CCDC40: variants seen among roughly 807,000 people sequenced by gnomAD.
CCDC40 encodes the protein coiled-coil domain-containing protein 40.
A neutral mutation model predicts 124.5 loss-of-function variants in CCDC40; 104 were observed. The observed-to-expected ratio is 0.84, with a 90% CI of 0.71 to 0.98. The LOEUF is 0.98. Among genes scored for constraint, CCDC40 ranks in the 50% least tolerant of loss-of-function variants. The pLI, the probability that CCDC40 is intolerant of heterozygous loss-of-function variation, is 0.00. For synonymous variants in CCDC40, 580 were observed against 602.9 expected, an observed-to-expected ratio of 0.96 and a Z score of 0.56; for missense variants, 1,463 against 1,503.9, an observed-to-expected ratio of 0.97 and a Z score of 0.45.
intron 12 of CCDC40, among the ~76,000 whole-genome samples, chr17:80,082,432 A>C (rs2038475474): frequency 6.6e-6 from 1 of 150,628 alleles, no homozygotes; most frequent in Non-Finnish European, 1.5e-5. Flanking sequence ...CCTTAGAAAA[A>C]ACAATTCCTT....
chr17:80,037,688 A>AAAAAAAAAAAAATAT, intron 1 of CCDC40, among the ~76,000 whole-genome samples: 1 of 45,678 alleles, frequency 2.2e-5, no homozygotes, highest in African/African-American at 5.9e-5. Flanking sequence ...TTTTTTAAAA[A>AAAAAAAAAAAAATAT]AGATATACAT....
chr17:80,087,565 C>T lies in CCDC40; in HGVS notation c.2450-42C>T, dbSNP rs781302517. On this transcript the variant is annotated intron_variant, in intron 14 of 19. Coordinates refer to ENST00000397545, the MANE Select transcript of CCDC40 (RefSeq NM_017950.4). This position sits in a 1 kb window ranked among gnomAD's most constrained non-coding sequence, Gnocchi z 4.5. ...TGCTGCCTGCGGGCGAGGACCCGTACCCTCCTGGGGTCTCTCCCTGAGTCT... is the reference window on the plus strand; with the variant it reads ...TGCTGCCTGCGGGCGAGGACCCGTATCCTCCTGGGGTCTCTCCCTGAGTCT... 3.8e-6 allele frequency: 6 copies of T among 1,585,530 alleles called. No homozygotes were observed. The Admixed American group carries it at 8.4e-5, about 22-fold the overall frequency.
Position 80,067,955 on chromosome 17 carries a change from G to A in CCDC40, c.1562+2349G>A, listed in dbSNP as rs560056556. On this transcript the variant is annotated intron_variant, in intron 10 of 19. Transcript: ENST00000397545. The stretch of plus-strand genomic sequence containing the variant: ...TGTACACGCACAAACACTTCACAAC[G>A]AGTGAGAGAGCCTCTGACTTCACCT... 4 of 1,130,170 alleles carry A rather than the reference G, an allele frequency of 3.5e-6. No individual in the cohort carries two copies. The South Asian group carries it at 9.8e-5, about 28-fold the overall frequency. 70.0% of individuals were successfully genotyped at this position (1,130,170 alleles called of 1,614,324 possible). A position where few individuals can be genotyped will look rare whatever the true frequency, so the allele number is the denominator to read the frequency against.
chr17:80,065,343 C>T, intron 9 of CCDC40, 142 bp from the exon 10 acceptor site: 2 of 1,155,436 alleles, frequency 1.7e-6, no homozygotes, highest in South Asian at 2.5e-5. Flanking sequence ...GTGTTTACCC[C>T]TCTGCAGATG....
chr17:80,084,825 A>T lies in CCDC40; in HGVS notation c.2072A>T (p.His691Leu). The change falls in exon 13 of 20, where the codon CAC (histidine) becomes CTC (leucine). Residue 691 changes from histidine (H) to leucine (L), a missense_variant. Coordinates refer to ENST00000397545, the MANE Select transcript of CCDC40 (RefSeq NM_017950.4). ...CACACCAGCAGCAGGCTGGACGCAC[A>T]CCAGAAGACCCTGGTGGAGCTGGAC... ...ITHTSSRLDA[H>L]QKTLVELDQD... 1 of 1,614,172 alleles carries T rather than the reference A, an allele frequency of 6.2e-7. No individual in the cohort carries two copies. The highest frequency in any genetic ancestry group is 8.5e-7 in the Non-Finnish European group (1 of 1,180,042).
intron 7 of CCDC40, among the ~76,000 whole-genome samples, chr17:80,056,156 T>C (rs1004334668): frequency 2.7e-5 from 4 of 150,664 alleles, no homozygotes; most frequent in Non-Finnish European, 5.9e-5. Flanking sequence ...TCAGCCCTTG[T>C]GGAGTCTTTT....
At chr17:80,095,476 G>A in intron 18 of CCDC40, 25 bp downstream of exon 18, 3 of 1,520,610 alleles carry the variant, frequency 2.0e-6, no homozygotes, top group Non-Finnish European at 2.7e-6. Flanking sequence ...AAAGGAAACA[G>A]GGCGCCTGCT....
intron 9 of CCDC40, among the ~76,000 whole-genome samples, chr17:80,062,779 C>T (rs73439027): frequency 0.077 from 11,759 of 152,046 alleles, 1,462 homozygotes; most frequent in African/African-American, 0.26. Flanking sequence ...TTTGTAGAGA[C>T]GGTGTTTCTT....
At chr17:80,050,527 T>C (rs1598489001) in intron 7 of CCDC40, among the ~76,000 whole-genome samples, 1 of 152,058 alleles carries the variant, frequency 6.6e-6, no homozygotes, top group Non-Finnish European at 1.5e-5. Flanking sequence ...CACTGCAACC[T>C]CCCCCTTCCG....
At position 80,058,783 on chromosome 17, in the gene CCDC40, A is replaced by G; in HGVS notation, c.1318-75A>G. 6.2e-7 allele frequency: 1 copy of G among 1,611,844 alleles called. No homozygotes were observed. Among genetic ancestry groups the G allele is most frequent in the Non-Finnish European group, 8.5e-7 (1 of 1,178,372 alleles). The stretch of plus-strand genomic sequence containing the variant: ...GCCGGCCTGGGTGGCGTCAACTTGT[A>G]TCAAGGGTTGGTGGAGAACAGGCCC... On this transcript the variant is annotated intron_variant, in intron 8 of 19. Coordinates refer to ENST00000397545, the MANE Select transcript of CCDC40 (RefSeq NM_017950.4). This position sits in a 1 kb window ranked among gnomAD's most constrained non-coding sequence, Gnocchi z 4.2.
chr17:80,089,853 G>C lies in CCDC40; in HGVS notation c.2801G>C (p.Arg934Pro), dbSNP rs143374313. ...VDSEIGQTEI[R>P]AMKGEIHRMK... ...TCCGAGATCGGCCAGACGGAGATCCGGGCCATGAAGGGCGAGATCCACAGG... is the reference window on the plus strand; with the variant it reads ...TCCGAGATCGGCCAGACGGAGATCCCGGCCATGAAGGGCGAGATCCACAGG... The change falls in exon 17 of 20, where the codon CGG becomes CCG. Residue 934 changes from arginine (R) to proline (P), a missense_variant. Physicochemically the swap from Arg to Pro is moderately radical, Grantham distance 103 (BLOSUM62 -2). Transcript: ENST00000397545. The C allele has an allele frequency of 1.9e-6, 3 of 1,614,120 alleles. No homozygotes were observed. Among genetic ancestry groups the C allele is most frequent in the African/African-American group, 2.7e-5 (2 of 74,944 alleles).
At position 80,065,590 on chromosome 17, in the gene CCDC40, G is replaced by T; in HGVS notation, c.1546G>T (p.Val516Leu). Residue 516 changes from valine to leucine, a missense_variant, in exon 10 of 20, where the codon GTG becomes TTG. Transcript: ENST00000397545. ...MKHRDEAHRA[V>L]LEALRGCQHQ... is the part of the protein sequence containing the mutation. Reference sequence around the variant, plus strand: ...GCACCGCGACGAGGCGCACAGGGCGGTGCTGGAGGCGCTCAGGTACTGCAG... The same window carrying T: ...GCACCGCGACGAGGCGCACAGGGCGTTGCTGGAGGCGCTCAGGTACTGCAG... The T allele has an allele frequency of 6.2e-7, 1 of 1,612,668 alleles. No individual in the cohort carries two copies. The highest frequency in any genetic ancestry group is 8.5e-7 in the Non-Finnish European group (1 of 1,179,916).
chr17:80,055,572 A>G (rs2037714803), intron 7 of CCDC40, among the ~76,000 whole-genome samples: 1 of 152,234 alleles, frequency 6.6e-6, no homozygotes, highest in African/African-American at 2.4e-5. Flanking sequence ...GGGAAGACGC[A>G]TGATATAAAA....
At chr17:80,090,009 T>C (rs1443760636) in intron 17 of CCDC40, 125 bp downstream of exon 17, 69 of 1,537,818 alleles carry the variant, frequency 4.5e-5, no homozygotes, top group Admixed American at 2.2e-4. Flanking sequence ...CCACATTGGC[T>C]GGTGGCAATG....
At position 80,100,208 on chromosome 17, in the gene CCDC40, G is replaced by C; in HGVS notation, c.*433G>C. 7.5e-6 allele frequency: 2 copies of C among 267,212 alleles called. No homozygotes were observed. Among genetic ancestry groups the C allele is most frequent in the Non-Finnish European group, 1.5e-5 (2 of 135,132 alleles). 16.6% of individuals were successfully genotyped at this position (267,212 alleles called of 1,614,324 possible). A position where few individuals can be genotyped will look rare whatever the true frequency, so the allele number is the denominator to read the frequency against. On this transcript the variant is annotated 3_prime_UTR_variant, in exon 20 of 20. Coordinates refer to ENST00000397545, the MANE Select transcript of CCDC40 (RefSeq NM_017950.4). ...CTGGCCCGGGAGGCTGGTCCCCCCA[G>C]CACTTCCCTCTACTAGGTGCATCTG...
Position 80,058,826 on chromosome 17 carries a change from C to T in CCDC40, c.1318-32C>T, listed in dbSNP as rs758208168. The T allele has an allele frequency of 6.2e-7, 1 of 1,614,002 alleles. No individual in the cohort carries two copies. The highest frequency in any genetic ancestry group is 1.7e-5 in the Admixed American group (1 of 60,020). On this transcript the variant is annotated intron_variant, in intron 8 of 19. Coordinates refer to ENST00000397545, the MANE Select transcript of CCDC40 (RefSeq NM_017950.4). This position sits in a 1 kb window ranked among gnomAD's most constrained non-coding sequence, Gnocchi z 4.2. ...ACAGGCCCTCAGCCACGGGCACCTC[C>T]TGACGGGGCTGCTTCTCATCCTGTT...
intron 6 of CCDC40, 27 bp downstream of exon 6, chr17:80,050,016 TG>T (rs758167397): frequency 2.5e-6 from 4 of 1,613,432 alleles, no homozygotes; most frequent in Non-Finnish European, 3.4e-6. Context: ...TCTCCCACCC[TG>T]GTCGGATGCC....
rs375999350 is a variant in CCDC40, at chr17:80,058,667, G to T, written c.1317+16G>T. ...GAAAAAGCAGGTATTCTGCAAACTC[G>T]ACACATGTTTAATGATCACCAGACC... On this transcript the variant is annotated intron_variant, in intron 8 of 19. Coordinates refer to ENST00000397545, the MANE Select transcript of CCDC40 (RefSeq NM_017950.4). The surrounding 1 kb of genome is among the most constrained non-coding windows in gnomAD (Gnocchi z 4.2). 6.2e-7 allele frequency: 1 copy of T among 1,613,894 alleles called. No individual in the cohort carries two copies. Among genetic ancestry groups the T allele is most frequent in the South Asian group, 1.1e-5 (1 of 91,032 alleles).
At position 80,100,592 on chromosome 17, in the gene CCDC40, C is replaced by A. The variant is rs908595597; in HGVS notation, c.*817C>A. 2.0e-5 allele frequency: 3 copies of A among 151,624 alleles called. No individual in the cohort carries two copies. Among genetic ancestry groups the A allele is most frequent in the African/African-American group, 7.3e-5 (3 of 41,226 alleles). 9.4% of individuals were successfully genotyped at this position (151,624 alleles called of 1,614,324 possible). ...AAACATTTCAGCAGAAGAATAAAAT[C>A]TTTTTTCTGAATATCTAGTAAGCCT... is the stretch of plus-strand genomic sequence containing the variant. On this transcript the variant is annotated 3_prime_UTR_variant, in exon 20 of 20. Transcript: ENST00000397545.
Sources: gnomAD v4.1 joint callset for allele counts (sites outside exome capture counted in the v4.1 genomes callset) on GRCh38, gnomAD v4.1.1 for gene constraint, Gnocchi (gnomAD v3.1) non-coding constraint, MANE v1.5 for transcripts, NCBI Gene and HGNC (gene_info 2026-07-23, HGNC 2026-07-21) for gene names.